The following CDC14A variants were observed in gnomAD, a reference collection of about 807,000 sequenced individuals.
CDC14A encodes the protein dual specificity protein phosphatase CDC14A.
A neutral mutation model predicts 74.4 loss-of-function variants in CDC14A; 53 were observed. The observed-to-expected ratio is 0.71, with a 90% confidence interval of 0.57 to 0.89. The LOEUF is 0.89. Ranked by LOEUF, CDC14A falls within the 40% of genes least tolerant of loss-of-function variation. The pLI is 0.00. For synonymous variants in CDC14A, 247 were observed against 258.4 expected (o/e 0.96, Z 0.43); for missense variants, 646 against 713.7 (o/e 0.91, Z 1.08).
At chr1:100,446,008 C>T (rs1431998042) in intron 7 of CDC14A, among the ~76,000 whole-genome samples, 1 of 152,186 alleles carries the variant, frequency 6.6e-6, no homozygotes, top group Admixed American at 6.5e-5. Flanking sequence ...TGGGCCCAGT[C>T]ATTTCCTGTC....
intron 5 of CDC14A, among the ~76,000 whole-genome samples, chr1:100,434,726 G>C (rs764538518): frequency 6.6e-6 from 1 of 152,108 alleles, no homozygotes; most frequent in African/African-American, 2.4e-5. Flanking sequence ...CTGGATTATC[G>C]TTGCAGTTGT....
chr1:100,449,433 A>G (rs1255306333), intron 7 of CDC14A, among the ~76,000 whole-genome samples: 3 of 152,194 alleles, frequency 2.0e-5, no homozygotes, highest in East Asian at 1.9e-4. Flanking sequence ...CCTTCTTGAC[A>G]TGGGCTTGTC....
intron 15 of CDC14A, among the ~76,000 whole-genome samples, chr1:100,516,159 A>C (rs1650204486): frequency 6.6e-6 from 1 of 152,216 alleles, no homozygotes; most frequent in South Asian, 2.1e-4. Context: ...TCTCCATATG[A>C]ATAATAGAAA....
chr1:100,465,579 G>T (rs1667721942), intron 9 of CDC14A, among the ~76,000 whole-genome samples: 1 of 152,180 alleles, frequency 6.6e-6, no homozygotes. Flanking sequence ...GAAGGAGAAA[G>T]AATCTTATCC....
At chr1:100,456,653 AG>A (rs1158339835) in intron 8 of CDC14A, among the ~76,000 whole-genome samples, 1 of 151,016 alleles carries the variant, frequency 6.6e-6, no homozygotes, top group Non-Finnish European at 1.5e-5. Context: ...AAAAAAAAAA[AG>A]ATTTATTTTT....
chr1:100,478,844 A>G (rs960013033), intron 10 of CDC14A, among the ~76,000 whole-genome samples: 2 of 152,064 alleles, frequency 1.3e-5, no homozygotes, highest in Admixed American at 6.5e-5. Flanking sequence ...CAAGCCTTCC[A>G]TTGTCTTCAG....
intron 8 of CDC14A, 81 bp from the exon 9 acceptor site, chr1:100,462,570 T>C (rs1667414384): frequency 2.7e-6 from 3 of 1,097,764 alleles, no homozygotes; most frequent in Admixed American, 3.6e-5. Flanking sequence ...ATTTATACAC[T>C]TCATTGTTGA....
At chr1:100,507,125 AATAC>A (rs959557075) in intron 15 of CDC14A, among the ~76,000 whole-genome samples, 1 of 152,224 alleles carries the variant, frequency 6.6e-6, no homozygotes, top group Admixed American at 6.5e-5. Flanking sequence ...AGGTGAGACA[AATAC>A]ATACAAGCCA....
chr1:100,412,708 ATATATATATATATATTT>A (rs1315217411), intron 4 of CDC14A, among the ~76,000 whole-genome samples: 7 of 99,118 alleles, frequency 7.1e-5, no homozygotes, highest in Non-Finnish European at 1.2e-4. Flanking sequence ...ATATATATAT[ATATATATATATATATTT>A]TATATATATA....
Position 100,499,277 on chromosome 1 carries a change from A to T in CDC14A, c.1755+15A>T, listed in dbSNP as rs774287952. 250 of 1,613,990 alleles carry T rather than the reference A, an allele frequency of 1.5e-4. No homozygotes were observed. The highest frequency in any genetic ancestry group is 2.1e-4 in the Non-Finnish European group (244 of 1,180,016). On this transcript the variant is annotated intron_variant, in intron 15 of 15. Transcript: ENST00000336454. ...GTTCTATCCCTGTAAGTGCGCAGAC[A>T]CCACCTCCTGGTCCTCAGAACCCTG...
intron 13 of CDC14A, among the ~76,000 whole-genome samples, chr1:100,496,695 C>A (rs1647891090): frequency 6.6e-6 from 1 of 152,138 alleles, no homozygotes; most frequent in Non-Finnish European, 1.5e-5. Context: ...AGGGCTTAAG[C>A]ATCTGGAGCT....
intron 5 of CDC14A, among the ~76,000 whole-genome samples, chr1:100,430,879 T>C (rs1424579309): frequency 6.6e-6 from 1 of 152,258 alleles, no homozygotes; most frequent in Non-Finnish European, 1.5e-5. Context: ...TTTTCCTCGC[T>C]GTTTCTCAGT....
intron 11 of CDC14A, among the ~76,000 whole-genome samples, chr1:100,491,903 C>T (rs1298454196): frequency 9.5e-6 from 1 of 105,424 alleles, no homozygotes; most frequent in Non-Finnish European, 2.0e-5. Flanking sequence ...AACACCTCTG[C>T]CCTCGTGGTC....
chr1:100,363,565 A>G (rs1190742783), intron 2 of CDC14A, among the ~76,000 whole-genome samples: 1 of 150,422 alleles, frequency 6.6e-6, no homozygotes, highest in Non-Finnish European at 1.5e-5. Context: ...GGTCTTAAAT[A>G]TTTTCACATC....
intron 5 of CDC14A, among the ~76,000 whole-genome samples, chr1:100,431,571 G>T (rs980571791): frequency 4.6e-5 from 7 of 151,994 alleles, no homozygotes; most frequent in Non-Finnish European, 1.0e-4. Flanking sequence ...GGCCGTGTGG[G>T]TGGCTCATTC....
chr1:100,409,299 T>G (rs1660362240), intron 4 of CDC14A, among the ~76,000 whole-genome samples: 1 of 152,166 alleles, frequency 6.6e-6, no homozygotes, highest in Non-Finnish European at 1.5e-5. Context: ...CATGTGGGAA[T>G]TCAAGATGAG....
intron 4 of CDC14A, among the ~76,000 whole-genome samples, chr1:100,395,618 T>G (rs1054195108): frequency 1.3e-5 from 2 of 152,250 alleles, no homozygotes; most frequent in Non-Finnish European, 2.9e-5. Context: ...ATATTCTTGC[T>G]TCCCATTAAT....
Position 100,437,552 on chromosome 1 carries a change from C to A in CDC14A, c.390-2380C>A, listed in dbSNP as rs138356869. ...TCCTTATTAGATTTCAATTTGTAAA[C>A]TTCTCTGTGCCTTTTCAGCCTGTGG... On this transcript the variant is annotated intron_variant, in intron 5 of 15. Coordinates refer to ENST00000336454, the MANE Select transcript of CDC14A (RefSeq NM_003672.4). 1.5e-3 allele frequency among the ~76,000 whole-genome samples: 233 copies of A among 152,286 alleles called. 1 individual carries two copies. Among genetic ancestry groups the A allele is most frequent in the African/African-American group, 5.3e-3 (220 of 41,558 alleles).
chr1:100,458,689 A>AT (rs397793689), intron 8 of CDC14A, among the ~76,000 whole-genome samples: 46,528 of 145,576 alleles, frequency 0.32, 9,835 homozygotes, highest in African/African-American at 0.61. Flanking sequence ...CGTCTTGGTA[A>AT]TTTTTTTTTT....
Sources: gnomAD v4.1 joint callset for allele counts (sites outside exome capture counted in the v4.1 genomes callset) on GRCh38, gnomAD v4.1.1 for gene constraint, MANE v1.5 for transcripts, NCBI Gene and HGNC (gene_info 2026-07-23, HGNC 2026-07-21) for gene names.